The following MYCBP2 variants were observed in gnomAD, a reference collection of about 807,000 sequenced individuals.
The protein encoded by MYCBP2 is E3 ubiquitin-protein ligase MYCBP2.
Under a neutral mutation model 525.3 loss-of-function variants are expected in MYCBP2, and 120 were observed. The ratio of observed to expected loss-of-function variants is 0.23; its 90% CI spans 0.20 to 0.27. The LOEUF (loss-of-function observed/expected upper bound fraction) is 0.27. Among genes scored for constraint, MYCBP2 ranks in the 10% least tolerant of loss-of-function variants. The pLI is 1.00. For synonymous variants in MYCBP2, 1,894 were observed against 1,955.8 expected, an observed-to-expected ratio of 0.97 and a Z score of 0.83; for missense variants, 4,149 against 5,657.1, an observed-to-expected ratio of 0.73 and a Z score of 8.55.
intron 7 of MYCBP2, among the ~76,000 whole-genome samples, chr13:77,269,644 G>A (rs1450707493): frequency 1.3e-5 from 2 of 152,058 alleles, no homozygotes; most frequent in Middle Eastern, 3.4e-3. Flanking sequence ...AAAAAAATGT[G>A]CTAATGATAA....
At chr13:77,153,055 ACT>A (rs1482340726) in intron 46 of MYCBP2, among the ~76,000 whole-genome samples, 469 of 116,884 alleles carry the variant, frequency 4.0e-3, no homozygotes, top group Non-Finnish European at 6.7e-3. Flanking sequence ...ACAGAGCGAG[ACT>A]CTGTCTCAAA....
intron 69 of MYCBP2, among the ~76,000 whole-genome samples, chr13:77,069,710 A>G (rs2040832284): frequency 6.6e-6 from 1 of 150,792 alleles, no homozygotes; most frequent in Admixed American, 6.6e-5. Context: ...AAAAAAAAAA[A>G]AAAAAAAATT....
At chr13:77,293,385 CTT>C (rs1279716673) in intron 2 of MYCBP2, among the ~76,000 whole-genome samples, 1 of 152,126 alleles carries the variant, frequency 6.6e-6, no homozygotes, top group African/African-American at 2.4e-5. Flanking sequence ...GTGTAACTCT[CTT>C]TGGCAGCACA....
chr13:77,068,414 AGGG>A (rs2040556198), intron 70 of MYCBP2, 148 bp downstream of exon 70: 22 of 844,710 alleles, frequency 2.6e-5, no homozygotes, highest in African/African-American at 5.2e-5. Context: ...ACAGTAAAAA[AGGG>A]AGTAAAATAC....
At chr13:77,186,222 A>G (rs17749801) in intron 30 of MYCBP2, among the ~76,000 whole-genome samples, 159 bp from the exon 31 acceptor site, 1,974 of 152,312 alleles carry the variant, frequency 0.013, 19 homozygotes, top group Middle Eastern at 0.027. Context: ...AGACACTTTT[A>G]TAGTTCATTT....
chr13:77,216,695 C>A (rs1476013931), intron 21 of MYCBP2, among the ~76,000 whole-genome samples: 1 of 152,078 alleles, frequency 6.6e-6, no homozygotes, highest in Non-Finnish European at 1.5e-5. Context: ...ACTATATACT[C>A]TTCAAAAATG....
Position 77,205,319 on chromosome 13 carries a change from A to G in MYCBP2, c.3780T>C (p.Thr1260=), listed in dbSNP as rs1187454916. ...GACCAAGACCACCAAGTAAAATATC[A>G]GTGTCGGCACTGAAACGTATAGCTT... ...SVEAIRFSAD[T]DILLGGLGLF... is the part of the protein sequence containing the mutation. Residue 1260 remains threonine (T), a synonymous_variant, in exon 26 of 83, where the codon ACT becomes ACC. Coordinates refer to ENST00000544440, the MANE Select transcript of MYCBP2 (RefSeq NM_015057.5). 3 of 1,613,848 alleles carry G rather than the reference A, an allele frequency of 1.9e-6. No individual in the cohort carries two copies. The East Asian group carries it at 6.7e-5, about 36-fold the overall frequency.
intron 55 of MYCBP2, among the ~76,000 whole-genome samples, chr13:77,110,899 C>G (rs897319470): frequency 1.3e-5 from 2 of 152,194 alleles, no homozygotes; most frequent in South Asian, 4.1e-4. Flanking sequence ...TGGATAACTT[C>G]TTAGGCCCCT....
intron 2 of MYCBP2, among the ~76,000 whole-genome samples, chr13:77,294,131 CATATATATATA>C (rs2077897475): frequency 1.5e-5 from 1 of 65,692 alleles, no homozygotes; most frequent in Non-Finnish European, 3.0e-5. Flanking sequence ...TATATATATA[CATATATATATA>C]CATATATATA....
chr13:77,123,902 C>T (rs1441421791), intron 54 of MYCBP2, among the ~76,000 whole-genome samples: 4 of 152,032 alleles, frequency 2.6e-5, no homozygotes, highest in Non-Finnish European at 5.9e-5. Context: ...AGTAAATATA[C>T]AGCAATATAT....
intron 28 of MYCBP2, among the ~76,000 whole-genome samples, chr13:77,190,617 CT>C (rs1359991174): frequency 6.6e-6 from 1 of 152,172 alleles, no homozygotes. Context: ...AAAATTTCTA[CT>C]TACAACTAAG....
At chr13:77,230,062 T>A (rs2066915415) in intron 18 of MYCBP2, among the ~76,000 whole-genome samples, 1 of 152,190 alleles carries the variant, frequency 6.6e-6, no homozygotes, top group African/African-American at 2.4e-5. Flanking sequence ...TTACTGTATT[T>A]TATATGGAAT....
intron 33 of MYCBP2, 80 bp downstream of exon 33, chr13:77,181,621 C>T: frequency 9.2e-7 from 1 of 1,082,380 alleles, no homozygotes; most frequent in East Asian, 2.4e-5. Flanking sequence ...AGTTTTATTG[C>T]CTCTGTATAA....
chr13:77,048,862 A>G (rs1007366297), intron 82 of MYCBP2, among the ~76,000 whole-genome samples: 10 of 132,324 alleles, frequency 7.6e-5, no homozygotes, highest in African/African-American at 2.0e-4. Context: ...TGAGTTCTCT[A>G]AAGTGTTTCA....
chr13:77,206,691 G>T lies in MYCBP2; in HGVS notation c.3551C>A (p.Ala1184Asp), dbSNP rs758576489. Residue 1184 changes from alanine (A) to aspartate (D), a missense_variant, in exon 24 of 83, where the codon GCC (alanine) becomes GAC (aspartate). Physicochemically the swap from Ala to Asp is moderately radical, Grantham distance 126. Coordinates refer to ENST00000544440, the MANE Select transcript of MYCBP2 (RefSeq NM_015057.5). ...PELALPTGSR[A>D]LTTRSHAALH... ...AGCTGCATGAGATCGGGTAGTGAGG[G>T]CCCTTGATCCTGTTGGTAAGGCAAG... The T allele has an allele frequency of 6.2e-7, 1 of 1,607,398 alleles. No individual in the cohort carries two copies. The highest frequency in any genetic ancestry group is 1.1e-5 in the South Asian group (1 of 89,790).
intron 8 of MYCBP2, among the ~76,000 whole-genome samples, chr13:77,266,746 G>GA (rs56408804): frequency 0.017 from 1,490 of 89,204 alleles, 41 homozygotes; most frequent in African/African-American, 0.052. Flanking sequence ...GACTTGTAAT[G>GA]AAAAAAAAAA....
intron 20 of MYCBP2, among the ~76,000 whole-genome samples, chr13:77,220,698 G>A (rs17750124): frequency 0.18 from 27,433 of 152,048 alleles, 3,205 homozygotes; most frequent in Middle Eastern, 0.27. Flanking sequence ...TGCTATAGAA[G>A]CTTTGTTCCT....
intron 47 of MYCBP2, 72 bp from the exon 48 acceptor site, chr13:77,146,289 T>TCTG: frequency 9.5e-7 from 1 of 1,048,786 alleles, no homozygotes; most frequent in South Asian, 1.9e-5. Flanking sequence ...GAGTAATATA[T>TCTG]TATTCAATAA....
Position 77,185,783 on chromosome 13 carries a change from G to A in MYCBP2, c.4444+88C>T, listed in dbSNP as rs191428888. ...AGAAGCAGCTTAAATGCAGCTGGGG[G>A]GCATAAACTCTCAGTTATCTCAAAG... On this transcript the variant is annotated intron_variant, in intron 31 of 82. Coordinates refer to ENST00000544440, the MANE Select transcript of MYCBP2 (RefSeq NM_015057.5). 4,996 of 940,856 alleles carry A rather than the reference G, an allele frequency of 5.3e-3. 24 individuals are homozygous for A. The highest frequency in any genetic ancestry group is 6.4e-3 in the Non-Finnish European group (4,182 of 656,082). 58.3% of individuals were successfully genotyped at this position (940,856 alleles called of 1,614,324 possible).
Sources: gnomAD v4.1 joint callset for allele counts (sites outside exome capture counted in the v4.1 genomes callset) on GRCh38, gnomAD v4.1.1 for gene constraint, MANE v1.5 for transcripts, NCBI Gene and HGNC (gene_info 2026-07-23, HGNC 2026-07-21) for gene names.